Variants in DMD observed in about 807,000 individuals in gnomAD.
DMD encodes mutant dystrophin.
DMD carries 63 observed loss-of-function variants against 330.1 expected under a neutral mutation model. The ratio of observed to expected loss-of-function variants is 0.19; its 90% CI spans 0.16 to 0.24. The LOEUF (loss-of-function observed/expected upper bound fraction) is 0.24, where lower values mean the gene tolerates loss of function less well. Ranked by LOEUF, DMD falls within the 10% of genes least tolerant of loss-of-function variation. The probability of loss-of-function intolerance (pLI) is 1.00; values close to 1 mark genes in which losing one functional copy is unlikely to be tolerated. For synonymous variants in DMD, 1,223 were observed against 959.8 expected, an observed-to-expected ratio of 1.27 and a Z score of -5.07; for missense variants, 3,344 against 2,684.1, an observed-to-expected ratio of 1.25 and a Z score of -5.43.
At chrX:32,457,068 A>G (rs775593521) in intron 25 of DMD, among the ~76,000 whole-genome samples, 2 of 108,745 alleles carry the variant, frequency 1.8e-5, no homozygotes, top group Admixed American at 2.0e-4. Flanking sequence ...GGGGAAAAAA[A>G]AAAGGAGTCC....
intron 2 of DMD, 107 bp from the exon 3 acceptor site, chrX:32,849,927 G>A (rs994314508): frequency 4.7e-6 from 3 of 635,458 alleles, no homozygotes; most frequent in Non-Finnish European, 7.6e-6. Context: ...GATAATTAGT[G>A]TGCATAATTA....
rs758374513 is a variant in DMD, at chrX:31,119,674, A to G, written c.*2245T>C. The G allele has an allele frequency of 1.7e-3, 192 of 111,951 alleles. 1 individual carries two copies. Among genetic ancestry groups the G allele is most frequent in the African/African-American group, 6.0e-3 (186 of 30,928 alleles). The allele number at this position is 111,951 out of a possible 1,213,427, so 9.2% of individuals were successfully genotyped here. A position where few individuals can be genotyped will look rare whatever the true frequency, so the allele number is the denominator to read the frequency against. ...ATGCACTCTATTTACCTCTGATTTT[A>G]GAATGAAACTTACTTACTTAAACTT... On this transcript the variant is annotated 3_prime_UTR_variant, in exon 79 of 79. Transcript: ENST00000357033.
chrX:31,888,075 G>C lies in DMD; in HGVS notation c.6913-12702C>G, dbSNP rs938279537. 2.7e-5 allele frequency among the ~76,000 whole-genome samples: 3 copies of C among 111,433 alleles called. No homozygotes were observed. In the East Asian group the frequency reaches 8.5e-4, roughly 31 times the overall value. ...AGCACAGTCAGAACAGGTGTTACTT[G>C]GCGGCTGGACTAGTGAAATTTGATG... On this transcript the variant is annotated intron_variant, in intron 47 of 78. Transcript: ENST00000357033.
At chrX:32,933,386 T>A (rs903574727) in intron 2 of DMD, among the ~76,000 whole-genome samples, 4 of 111,890 alleles carry the variant, frequency 3.6e-5, no homozygotes, top group African/African-American at 1.3e-4. Flanking sequence ...ATGCTTTATT[T>A]ATTCTGGGCA....
chrX:31,986,124 C>A (rs913077790), intron 44 of DMD, among the ~76,000 whole-genome samples: 1 of 111,499 alleles, frequency 9.0e-6, no homozygotes, highest in Admixed American at 9.5e-5. Context: ...ATGTTCACTG[C>A]AGTGACCAAA....
chrX:33,264,945 T>C (rs1005944771), intron 1 of DMD, among the ~76,000 whole-genome samples: 2 of 110,678 alleles, frequency 1.8e-5, no homozygotes, highest in African/African-American at 6.6e-5. Context: ...GTCTACATTA[T>C]GGAAACTCAG....
intron 18 of DMD, chrX:32,516,787 GAA>G (rs1009194352): frequency 6.3e-5 from 7 of 111,099 alleles, no homozygotes; most frequent in African/African-American, 2.3e-4. Context: ...AAGTATACTT[GAA>G]AAAAGACATT....
intron 9 of DMD, among the ~76,000 whole-genome samples, chrX:32,653,953 G>A (rs1365155148): frequency 9.0e-6 from 1 of 110,843 alleles, no homozygotes; most frequent in African/African-American, 3.3e-5. Flanking sequence ...ATTTGCCTCT[G>A]TCTGTTATTG....
At chrX:31,493,429 T>G (rs749073738) in intron 57 of DMD, among the ~76,000 whole-genome samples, 2 of 112,527 alleles carry the variant, frequency 1.8e-5, no homozygotes, top group Admixed American at 1.9e-4. Context: ...AGCCAAGATG[T>G]AAAGGATTAT....
intron 44 of DMD, among the ~76,000 whole-genome samples, chrX:32,067,914 T>C (rs2096270114): frequency 8.9e-6 from 1 of 111,939 alleles, no homozygotes; most frequent in Non-Finnish European, 1.9e-5. Flanking sequence ...TATTTTAAGT[T>C]CTTTGAGAAA....
chrX:32,807,536 T>C (rs1437070975), intron 7 of DMD, among the ~76,000 whole-genome samples: 1 of 111,579 alleles, frequency 9.0e-6, no homozygotes, highest in Non-Finnish European at 1.9e-5. Flanking sequence ...GGTGATCTTA[T>C]AGGATATACA....
intron 41 of DMD, among the ~76,000 whole-genome samples, chrX:32,340,208 G>C (rs1276495039): frequency 9.0e-6 from 1 of 111,272 alleles, no homozygotes; most frequent in Non-Finnish European, 1.9e-5. Flanking sequence ...AAATATAACT[G>C]CAATATTAAA....
intron 1 of DMD, among the ~76,000 whole-genome samples, chrX:33,190,879 AATATATAATAT>A (rs2050521434): frequency 1.2e-3 from 1 of 824 alleles, no homozygotes; most frequent in Non-Finnish European, 2.5e-3. Context: ...ATATATATAT[AATATATAATAT>A]TATATATTAT....
At chrX:31,183,531 T>C (rs150483553) in intron 67 of DMD, among the ~76,000 whole-genome samples, 7,555 of 111,335 alleles carry the variant, frequency 0.068, 456 homozygotes, top group African/African-American at 0.17. Context: ...TCTCTATTTC[T>C]CTCTCTTTCA....
intron 9 of DMD, among the ~76,000 whole-genome samples, chrX:32,657,836 C>T (rs978929348): frequency 1.8e-5 from 2 of 111,273 alleles, no homozygotes; most frequent in African/African-American, 3.3e-5. Flanking sequence ...TTTTCAAATA[C>T]GTCTCATGGA....
chrX:32,994,568 A>G (rs975434299), intron 2 of DMD, among the ~76,000 whole-genome samples: 1 of 111,436 alleles, frequency 9.0e-6, no homozygotes, highest in Non-Finnish European at 1.9e-5. Flanking sequence ...ATACCTTTGG[A>G]TATATATCCA....
intron 1 of DMD, among the ~76,000 whole-genome samples, chrX:33,271,392 A>C (rs939791790): frequency 9.0e-6 from 1 of 111,142 alleles, no homozygotes; most frequent in Non-Finnish European, 1.9e-5. Flanking sequence ...AATATTTTTT[A>C]AGCACTGTTA....
At chrX:32,628,619 G>C (rs1290454296) in intron 11 of DMD, among the ~76,000 whole-genome samples, 1 of 109,589 alleles carries the variant, frequency 9.1e-6, no homozygotes, top group African/African-American at 3.3e-5. Context: ...TCAATTATTT[G>C]AAAGTTCTTC....
intron 7 of DMD, among the ~76,000 whole-genome samples, chrX:32,781,067 G>C (rs1010766518): frequency 9.4e-6 from 1 of 106,282 alleles, no homozygotes; most frequent in Non-Finnish European, 1.9e-5. Flanking sequence ...GCAGTGAGCC[G>C]AGATCGCGCC....
Sources: allele counts gnomAD v4.1 joint callset (sites outside exome capture counted in the v4.1 genomes callset), GRCh38; gene constraint gnomAD v4.1.1; transcripts MANE v1.5; gene names NCBI Gene and HGNC (gene_info 2026-07-23, HGNC 2026-07-21).